CADPS: variants seen among roughly 807,000 people sequenced by gnomAD.
CADPS encodes the protein calcium-dependent secretion activator 1.
CADPS carries 57 observed loss-of-function variants against 167.3 expected under a neutral mutation model. That is an observed-to-expected ratio of 0.34 (90% CI 0.28 to 0.42). CADPS has a LOEUF of 0.42. Among genes scored for constraint, CADPS ranks in the 20% least tolerant of loss-of-function variants. The probability of loss-of-function intolerance (pLI) is 1.00; values close to 1 mark genes in which losing one functional copy is unlikely to be tolerated. For missense variants in CADPS, 1,414 were observed against 1,738.1 expected (o/e 0.81, Z 3.32); for synonymous variants, 676 against 635.3 (o/e 1.06, Z -0.96).
intron 3 of CADPS, among the ~76,000 whole-genome samples, chr3:62,709,521 A>T (rs1033237842): frequency 7.9e-5 from 12 of 152,122 alleles, no homozygotes; most frequent in Admixed American, 5.2e-4. Flanking sequence ...TACTGTATAC[A>T]AAGCACTTGG....
intron 1 of CADPS, among the ~76,000 whole-genome samples, chr3:62,773,023 T>A (rs1222482121): frequency 6.6e-6 from 1 of 152,036 alleles, no homozygotes; most frequent in Non-Finnish European, 1.5e-5. Flanking sequence ...AAGGGACAGG[T>A]TTTTAAAGCT....
intron 1 of CADPS, among the ~76,000 whole-genome samples, chr3:62,824,320 T>C (rs1185915521): frequency 6.6e-6 from 1 of 152,166 alleles, no homozygotes; most frequent in Non-Finnish European, 1.5e-5. Context: ...AGCTAAAAAA[T>C]GGAGTCAATT....
At chr3:62,585,661 G>A (rs2084439429) in intron 7 of CADPS, among the ~76,000 whole-genome samples, 1 of 152,176 alleles carries the variant, frequency 6.6e-6, no homozygotes, top group Admixed American at 6.5e-5. Flanking sequence ...ATGCATAAAA[G>A]GAAGAAATAT....
intron 3 of CADPS, among the ~76,000 whole-genome samples, chr3:62,733,453 T>C (rs2078341042): frequency 6.6e-6 from 1 of 152,202 alleles, no homozygotes; most frequent in Non-Finnish European, 1.5e-5. Context: ...AGAAATAATC[T>C]CCATTTTAAA....
intron 1 of CADPS, among the ~76,000 whole-genome samples, chr3:62,776,843 G>C (rs903736809): frequency 2.0e-5 from 3 of 152,120 alleles, no homozygotes; most frequent in South Asian, 4.1e-4. Flanking sequence ...AGGCCGTAGG[G>C]AGAAAAGGCG....
intron 24 of CADPS, among the ~76,000 whole-genome samples, chr3:62,471,690 C>A (rs903873201): frequency 6.6e-6 from 1 of 152,180 alleles, no homozygotes; most frequent in Non-Finnish European, 1.5e-5. Flanking sequence ...TTGTATCAAC[C>A]CTTCTGCACC....
chr3:62,399,410 T>C lies in CADPS; in HGVS notation c.4058A>G (p.Asp1353Gly). 6.2e-7 allele frequency: 1 copy of C among 1,614,132 alleles called. No homozygotes were observed. The highest frequency in any genetic ancestry group is 1.1e-5 in the South Asian group (1 of 91,080). Residue 1353 changes from aspartate to glycine, a missense_variant, in exon 30 of 30, where the codon GAT (aspartate) becomes GGT (glycine). Asp to Gly is a moderately conservative substitution (Grantham distance 94). This residue lies in a region of CADPS where 185 missense variants were observed against 251.5 expected (regional missense o/e 0.74). Transcript: ENST00000383710. This position sits in a 1 kb window ranked among gnomAD's most constrained non-coding sequence, Gnocchi z 5.6. ...CAGACTCTAGGACCAAATGGTCTAA[T>C]CGTCTTCTTCGTCTTCCTCATCGCT... ...KDSDEEDEEDD is the reference protein window; with the variant it reads ...KDSDEEDEEDG
intron 28 of CADPS, among the ~76,000 whole-genome samples, chr3:62,418,983 G>C (rs907688099): frequency 4.6e-5 from 7 of 152,082 alleles, no homozygotes; most frequent in Non-Finnish European, 7.4e-5. Context: ...AATACCCCTG[G>C]CTCAACAGCA....
At chr3:62,701,735 A>G (rs575338516) in intron 3 of CADPS, among the ~76,000 whole-genome samples, 1 of 152,226 alleles carries the variant, frequency 6.6e-6, no homozygotes, top group South Asian at 2.1e-4. Context: ...TGGTTCAGAG[A>G]AAGATGCCTT....
intron 4 of CADPS, among the ~76,000 whole-genome samples, chr3:62,653,397 T>C (rs1324020268): frequency 1.3e-5 from 2 of 152,278 alleles, no homozygotes; most frequent in Non-Finnish European, 2.9e-5. Flanking sequence ...ACACTGAATC[T>C]GATGGTGGCT....
At chr3:62,710,546 G>A (rs1184305603) in intron 3 of CADPS, among the ~76,000 whole-genome samples, 2 of 152,076 alleles carry the variant, frequency 1.3e-5, no homozygotes, top group African/African-American at 4.8e-5. Flanking sequence ...AGATCAAGAT[G>A]TGTAATATGT....
chr3:62,649,175 G>C (rs2069364436), intron 5 of CADPS, among the ~76,000 whole-genome samples: 1 of 152,134 alleles, frequency 6.6e-6, no homozygotes, highest in African/African-American at 2.4e-5. Flanking sequence ...CCCTTGTGGG[G>C]TTTTGAACTT....
At chr3:62,832,542 G>C (rs1036071356) in intron 1 of CADPS, among the ~76,000 whole-genome samples, 1 of 152,192 alleles carries the variant, frequency 6.6e-6, no homozygotes, top group Non-Finnish European at 1.5e-5. Context: ...AAATTGTAGA[G>C]AATACATTTG....
At chr3:62,529,328 G>A (rs2073099607) in intron 13 of CADPS, among the ~76,000 whole-genome samples, 1 of 151,996 alleles carries the variant, frequency 6.6e-6, no homozygotes, top group South Asian at 2.1e-4. Flanking sequence ...TTAGTTTTTC[G>A]TGGCCTAAGA....
intron 29 of CADPS, among the ~76,000 whole-genome samples, chr3:62,402,411 C>A (rs1449777838): frequency 6.6e-6 from 1 of 152,118 alleles, no homozygotes; most frequent in Non-Finnish European, 1.5e-5. Context: ...CAAATAGAAA[C>A]TGAAATGATC....
At chr3:62,642,309 G>T (rs528365751) in intron 6 of CADPS, among the ~76,000 whole-genome samples, 109 of 152,268 alleles carry the variant, frequency 7.2e-4, no homozygotes, top group African/African-American at 2.5e-3. Context: ...AATAGTCAAA[G>T]ACAAGATTCA....
At chr3:62,828,001 T>C (rs1208085906) in intron 1 of CADPS, among the ~76,000 whole-genome samples, 1 of 152,202 alleles carries the variant, frequency 6.6e-6, no homozygotes, top group Non-Finnish European at 1.5e-5. Flanking sequence ...CCTACAGCAC[T>C]GTGTCTCAGA....
rs150905295 is a variant in CADPS at position 62,567,153 on chromosome 3, T to C, written c.1644+3719A>G. On this transcript the variant is annotated intron_variant, in intron 9 of 29. Transcript: ENST00000383710. ...GGCTTTACTGATGTTTTCCACATATTTCCTCTTGTTTTTCCTGCAGAGTTT... is the reference window on the plus strand; with the variant it reads ...GGCTTTACTGATGTTTTCCACATATCTCCTCTTGTTTTTCCTGCAGAGTTT... Among the ~76,000 whole-genome samples, 62 of 152,294 alleles carry C rather than the reference T, an allele frequency of 4.1e-4. No homozygotes were observed. In the East Asian group the frequency reaches 0.011, roughly 27 times the overall value.
In CADPS at chr3:62,585,090, A is replaced by G. The variant is rs910479411; in HGVS notation, c.1577+95T>C. ...ATGAATTCTTTATATTTCCTTCTAC[A>G]TAGTTCTCTGAAGATCTTGTGTTTA... On this transcript the variant is annotated intron_variant, in intron 8 of 29. Transcript: ENST00000383710. 5.1e-6 allele frequency: 6 copies of G among 1,171,714 alleles called. No homozygotes were observed. The African/African-American group carries it at 9.2e-5, about 18-fold the overall frequency. The allele number at this position is 1,171,714 out of a possible 1,614,324, so 72.6% of individuals were successfully genotyped here. A position where few individuals can be genotyped will look rare whatever the true frequency, so the allele number is the denominator to read the frequency against.
Sources: allele counts gnomAD v4.1 joint callset (sites outside exome capture counted in the v4.1 genomes callset), GRCh38; gene constraint gnomAD v4.1.1; regional missense constraint gnomAD v4.1.1; non-coding constraint Gnocchi (gnomAD v3.1); transcripts MANE v1.5; gene names NCBI Gene and HGNC (gene_info 2026-07-23, HGNC 2026-07-21).